ATF6: variants seen among roughly 807,000 people sequenced by gnomAD.
ATF6 encodes the protein cyclic AMP-dependent transcription factor ATF-6 alpha.
Under a neutral mutation model 83.6 loss-of-function variants are expected in ATF6, and 53 were observed. The ratio of observed to expected loss-of-function variants is 0.63; its 90% CI spans 0.51 to 0.80. The LOEUF (loss-of-function observed/expected upper bound fraction) is 0.80, where lower values mean the gene tolerates loss of function less well. Among genes scored for constraint, ATF6 ranks in the 30% least tolerant of loss-of-function variants. The pLI, the probability that ATF6 is intolerant of heterozygous loss-of-function variation, is 0.00. For missense variants in ATF6, 744 were observed against 797.9 expected (o/e 0.93, Z 0.81); for synonymous variants, 288 against 285.8 (o/e 1.01, Z -0.08).
chr1:161,909,134 T>C (rs1687935999), intron 14 of ATF6, among the ~76,000 whole-genome samples: 1 of 152,234 alleles, frequency 6.6e-6, no homozygotes, highest in Non-Finnish European at 1.5e-5. Flanking sequence ...AGTTTATTTC[T>C]GTCTCATGTA....
intron 7 of ATF6, among the ~76,000 whole-genome samples, chr1:161,811,159 A>G (rs1490478758): frequency 2.0e-5 from 3 of 152,200 alleles, no homozygotes; most frequent in African/African-American, 7.2e-5. Context: ...TCAACCATCA[A>G]TGGACAATAT....
intron 14 of ATF6, among the ~76,000 whole-genome samples, chr1:161,903,016 T>C (rs780060677): frequency 6.6e-6 from 1 of 152,178 alleles, no homozygotes; most frequent in Non-Finnish European, 1.5e-5. Flanking sequence ...TCTTTCCAAC[T>C]TCCAGACCTT....
At chr1:161,942,880 G>A (rs375774863) in intron 15 of ATF6, among the ~76,000 whole-genome samples, 38 of 152,172 alleles carry the variant, frequency 2.5e-4, no homozygotes, top group African/African-American at 8.9e-4. Context: ...TTTTGAGACA[G>A]AGCCTCACTC....
intron 5 of ATF6, 68 bp from the exon 6 acceptor site, chr1:161,792,056 G>C (rs890805996): frequency 7.6e-7 from 1 of 1,316,682 alleles, no homozygotes; most frequent in African/African-American, 1.5e-5. Flanking sequence ...GTGTGTGATA[G>C]AATCTGTTTT....
intron 15 of ATF6, among the ~76,000 whole-genome samples, chr1:161,920,019 T>G (rs1688172712): frequency 6.6e-6 from 1 of 152,188 alleles, no homozygotes; most frequent in Non-Finnish European, 1.5e-5. Context: ...GCAAATATAT[T>G]TGGAAACCGT....
At chr1:161,807,701 G>A (rs1052609417) in intron 7 of ATF6, among the ~76,000 whole-genome samples, 1 of 151,986 alleles carries the variant, frequency 6.6e-6, no homozygotes, top group African/African-American at 2.4e-5. Flanking sequence ...TTGAATAGCA[G>A]TTCAGTTTCA....
chr1:161,854,186 C>T (rs529820560), intron 12 of ATF6, among the ~76,000 whole-genome samples: 2 of 152,300 alleles, frequency 1.3e-5, no homozygotes, highest in Non-Finnish European at 2.9e-5. Flanking sequence ...TTAATGCTAG[C>T]TGTTATAACA....
At chr1:161,837,016 G>T (rs1686236840) in intron 9 of ATF6, among the ~76,000 whole-genome samples, 1 of 152,178 alleles carries the variant, frequency 6.6e-6, no homozygotes, top group Non-Finnish European at 1.5e-5. Flanking sequence ...ATAAAACAAG[G>T]ACTAGTGGAT....
intron 9 of ATF6, among the ~76,000 whole-genome samples, chr1:161,834,770 T>TATA (rs966619750): frequency 6.6e-5 from 10 of 151,758 alleles, no homozygotes; most frequent in East Asian, 1.9e-4. Flanking sequence ...AAACCTAAAG[T>TATA]ATAATAATAA....
At chr1:161,795,037 T>C (rs1034863333) in intron 6 of ATF6, among the ~76,000 whole-genome samples, 6 of 152,150 alleles carry the variant, frequency 3.9e-5, no homozygotes, top group Non-Finnish European at 7.4e-5. Flanking sequence ...AGGTAAAATA[T>C]GTTGCCCAGA....
intron 9 of ATF6, among the ~76,000 whole-genome samples, chr1:161,833,570 T>A (rs1201007694): frequency 1.3e-5 from 2 of 152,146 alleles, no homozygotes; most frequent in Admixed American, 1.3e-4. Flanking sequence ...AAGGACCTGA[T>A]GTAGCTGAAA....
chr1:161,786,119 GGA>G (rs1684743263), intron 4 of ATF6, among the ~76,000 whole-genome samples: 1 of 150,832 alleles, frequency 6.6e-6, no homozygotes, highest in African/African-American at 2.4e-5. Flanking sequence ...GGGATTACAG[GGA>G]TTACAGGCAC....
At chr1:161,868,120 G>A (rs192550729) in intron 14 of ATF6, among the ~76,000 whole-genome samples, 28 of 152,282 alleles carry the variant, frequency 1.8e-4, no homozygotes, top group Admixed American at 5.9e-4. Context: ...GTGGTTTATT[G>A]TCATTTCTGA....
intron 15 of ATF6, among the ~76,000 whole-genome samples, chr1:161,953,357 A>G (rs1688904769): frequency 6.6e-6 from 1 of 152,158 alleles, no homozygotes; most frequent in Admixed American, 6.6e-5. Flanking sequence ...CCCTTCAATC[A>G]TCATGACCAC....
chr1:161,931,584 C>T (rs1006454322), intron 15 of ATF6, among the ~76,000 whole-genome samples: 32 of 152,202 alleles, frequency 2.1e-4, no homozygotes, highest in African/African-American at 7.2e-4. Flanking sequence ...CCAAAAGAAC[C>T]CATCCCCATT....
intron 9 of ATF6, among the ~76,000 whole-genome samples, chr1:161,823,001 C>T (rs910878149): frequency 2.0e-5 from 3 of 152,068 alleles, no homozygotes; most frequent in Non-Finnish European, 2.9e-5. Flanking sequence ...ACATTATTCT[C>T]TTTTAATACT....
intron 15 of ATF6, among the ~76,000 whole-genome samples, chr1:161,933,579 C>G (rs1688477296): frequency 6.6e-6 from 1 of 152,120 alleles, no homozygotes; most frequent in Non-Finnish European, 1.5e-5. Flanking sequence ...ATTTTTTCTC[C>G]TTAAATCATA....
At chr1:161,787,900 T>C (rs1198903982) in intron 4 of ATF6, among the ~76,000 whole-genome samples, 1 of 152,228 alleles carries the variant, frequency 6.6e-6, no homozygotes, top group Non-Finnish European at 1.5e-5. Context: ...TTATTTACTT[T>C]TAAAAATCAG....
At chr1:161,804,133 A>G (rs546862674) in intron 7 of ATF6, among the ~76,000 whole-genome samples, 40 of 151,836 alleles carry the variant, frequency 2.6e-4, no homozygotes, top group African/African-American at 9.7e-4. Context: ...GAGAATGATG[A>G]TTTCCTTTTA....
Sources: gnomAD v4.1 joint callset for allele counts (sites outside exome capture counted in the v4.1 genomes callset) on GRCh38, gnomAD v4.1.1 for gene constraint, MANE v1.5 for transcripts, NCBI Gene and HGNC (gene_info 2026-07-23, HGNC 2026-07-21) for gene names.